The following LRP1B variants were observed in gnomAD, a reference collection of about 807,000 sequenced individuals.
LRP1B encodes the protein low-density lipoprotein receptor-related protein 1B.
Under a neutral mutation model 556.6 loss-of-function variants are expected in LRP1B, and 217 were observed. The observed-to-expected ratio is 0.39, with a 90% CI of 0.35 to 0.44. The LOEUF is 0.44. LRP1B is among the 20% of genes least tolerant of loss of function. The probability of loss-of-function intolerance (pLI) is 1.00; values close to 1 mark genes in which losing one functional copy is unlikely to be tolerated. For synonymous variants in LRP1B, 2,047 were observed against 1,865.8 expected (o/e 1.10, Z -2.50); for missense variants, 5,053 against 5,620.8 (o/e 0.90, Z 3.23).
intron 45 of LRP1B, 36 bp from the exon 46 acceptor site, chr2:140,536,745 C>A (rs1481872104): frequency 1.3e-6 from 2 of 1,536,098 alleles, no homozygotes; most frequent in East Asian, 2.3e-5. Flanking sequence ...TACTTTTGTG[C>A]AATGGCAAAT....
intron 43 of LRP1B, among the ~76,000 whole-genome samples, chr2:140,569,130 C>T (rs1467092478): frequency 1.3e-5 from 2 of 151,688 alleles, no homozygotes; most frequent in Admixed American, 1.3e-4. Flanking sequence ...AAAAAAACCA[C>T]AATGATAAAT....
chr2:141,243,145 ATTTT>A (rs11412631), intron 5 of LRP1B, among the ~76,000 whole-genome samples: 7 of 146,142 alleles, frequency 4.8e-5, no homozygotes, highest in African/African-American at 1.7e-4. Flanking sequence ...TATTATTTTT[ATTTT>A]TTTTTTCATA....
chr2:141,487,342 A>T (rs1683158201), intron 2 of LRP1B, among the ~76,000 whole-genome samples: 1 of 152,116 alleles, frequency 6.6e-6, no homozygotes, highest in African/African-American at 2.4e-5. Flanking sequence ...GTTTCTTGAC[A>T]CGGAATTGGT....
chr2:142,003,493 G>C (rs1387327447), intron 1 of LRP1B, among the ~76,000 whole-genome samples: 3 of 152,164 alleles, frequency 2.0e-5, no homozygotes, highest in Non-Finnish European at 4.4e-5. Context: ...AGATGCAGCT[G>C]TTATTCATTC....
chr2:141,104,149 T>C (rs914002710), intron 7 of LRP1B, among the ~76,000 whole-genome samples: 6 of 152,224 alleles, frequency 3.9e-5, no homozygotes, highest in African/African-American at 1.2e-4. Context: ...GATATCCATG[T>C]GTGCTAAATG....
chr2:141,977,490 A>C (rs1204454807), intron 1 of LRP1B, among the ~76,000 whole-genome samples: 1 of 152,114 alleles, frequency 6.6e-6, no homozygotes, highest in Non-Finnish European at 1.5e-5. Context: ...TGAACCCAGG[A>C]GACAGAGGTT....
chr2:140,986,982 A>G (rs892922976), intron 17 of LRP1B, among the ~76,000 whole-genome samples: 3 of 152,158 alleles, frequency 2.0e-5, no homozygotes, highest in Non-Finnish European at 2.9e-5. Flanking sequence ...TATCTAGCAT[A>G]TATGTCCATG....
chr2:141,122,191 G>T (rs1051009207), intron 7 of LRP1B, among the ~76,000 whole-genome samples: 2 of 152,058 alleles, frequency 1.3e-5, no homozygotes, highest in Non-Finnish European at 2.9e-5. Flanking sequence ...ATAGGCATGG[G>T]CAAGGACTTC....
chr2:140,635,823 A>C (rs1304152280), intron 41 of LRP1B, among the ~76,000 whole-genome samples: 1 of 152,108 alleles, frequency 6.6e-6, no homozygotes, highest in Admixed American at 6.6e-5. Flanking sequence ...CCATTAAGAC[A>C]ACTGATTGGT....
chr2:142,022,750 A>G (rs1703378098), intron 1 of LRP1B, among the ~76,000 whole-genome samples: 1 of 152,226 alleles, frequency 6.6e-6, no homozygotes, highest in African/African-American at 2.4e-5. Flanking sequence ...GGCTCACTGC[A>G]ACCTCCACCT....
chr2:140,830,332 C>T (rs1402894503), intron 31 of LRP1B, among the ~76,000 whole-genome samples: 1 of 151,950 alleles, frequency 6.6e-6, no homozygotes, highest in Non-Finnish European at 1.5e-5. Flanking sequence ...CCCTAATAAA[C>T]ATAGATGCAA....
intron 49 of LRP1B, among the ~76,000 whole-genome samples, chr2:140,520,985 T>C (rs1030312620): frequency 1.3e-5 from 2 of 151,662 alleles, no homozygotes; most frequent in Non-Finnish European, 2.9e-5. Context: ...TCCTTCATAT[T>C]AATTTTTTTC....
chr2:140,583,178 T>C (rs201342795), intron 43 of LRP1B, among the ~76,000 whole-genome samples: 31 of 140,740 alleles, frequency 2.2e-4, no homozygotes, highest in Middle Eastern at 7.1e-3. Context: ...TTTCTTTTTT[T>C]TTTTTTTTTT....
At chr2:140,691,562 T>G (rs1371429545) in intron 41 of LRP1B, among the ~76,000 whole-genome samples, 2 of 151,866 alleles carry the variant, frequency 1.3e-5, no homozygotes, top group Non-Finnish European at 2.9e-5. Flanking sequence ...TATAAAGCTA[T>G]TATTCACAAG....
intron 7 of LRP1B, among the ~76,000 whole-genome samples, chr2:141,100,309 C>T (rs1479764260): frequency 6.6e-6 from 1 of 152,128 alleles, no homozygotes; most frequent in African/African-American, 2.4e-5. Context: ...TGGAGCTTTT[C>T]TTTGACCTTG....
At chr2:141,684,065 A>T (rs574996830) in intron 2 of LRP1B, among the ~76,000 whole-genome samples, 13 of 152,220 alleles carry the variant, frequency 8.5e-5, no homozygotes, top group African/African-American at 2.6e-4. Flanking sequence ...AGGATCTAGT[A>T]CCGGAAATAC....
intron 90 of LRP1B, 31 bp downstream of exon 90, chr2:140,234,755 G>A (rs769249488): frequency 1.8e-5 from 14 of 767,430 alleles, no homozygotes; most frequent in Admixed American, 5.2e-5. Flanking sequence ...GTGATGAAAC[G>A]GACATGAAAT....
chr2:142,024,957 C>T (rs561695898), intron 1 of LRP1B, among the ~76,000 whole-genome samples: 7 of 152,024 alleles, frequency 4.6e-5, no homozygotes, highest in East Asian at 3.9e-4. Context: ...AAGGGGTTTG[C>T]GTTCTATTTG....
chr2:140,658,607 AAAT>A (rs1425324137), intron 41 of LRP1B, among the ~76,000 whole-genome samples: 1 of 152,082 alleles, frequency 6.6e-6, no homozygotes, highest in Non-Finnish European at 1.5e-5. Context: ...TTAAATTTGA[AAAT>A]GATGATAAAA....
Sources: gnomAD v4.1 joint callset for allele counts (sites outside exome capture counted in the v4.1 genomes callset) on GRCh38, gnomAD v4.1.1 for gene constraint, MANE v1.5 for transcripts, NCBI Gene and HGNC (gene_info 2026-07-23, HGNC 2026-07-21) for gene names.